Variants in FREM2 observed in about 807,000 individuals in gnomAD.
The protein encoded by FREM2 is FRAS1 related extracellular matrix 2.
Under a neutral mutation model 219.9 loss-of-function variants are expected in FREM2, and 119 were observed. The ratio of observed to expected loss-of-function variants is 0.54; its 90% CI spans 0.47 to 0.63. The LOEUF (loss-of-function observed/expected upper bound fraction) is 0.63, where lower values mean the gene tolerates loss of function less well. Among genes scored for constraint, FREM2 ranks in the 30% least tolerant of loss-of-function variants. FREM2 has a pLI of 0.00. For missense variants in FREM2, 4,030 were observed against 3,993.6 expected, an observed-to-expected ratio of 1.01 and a Z score of -0.25; for synonymous variants, 1,562 against 1,522.8, an observed-to-expected ratio of 1.03 and a Z score of -0.60.
At chr13:38,838,803 A>G (rs978898282) in intron 6 of FREM2, among the ~76,000 whole-genome samples, 2 of 152,134 alleles carry the variant, frequency 1.3e-5, no homozygotes, top group African/African-American at 4.8e-5. Context: ...TGTGTTTTTC[A>G]GCTCCATCAG....
At chr13:38,747,641 TA>T (rs1365318066) in intron 2 of FREM2, among the ~76,000 whole-genome samples, 1 of 152,210 alleles carries the variant, frequency 6.6e-6, no homozygotes, top group Non-Finnish European at 1.5e-5. Context: ...AACTTATTAA[TA>T]TTATTACCAT....
chr13:38,767,205 T>C (rs1873471217), intron 3 of FREM2, among the ~76,000 whole-genome samples: 1 of 152,220 alleles, frequency 6.6e-6, no homozygotes, highest in Non-Finnish European at 1.5e-5. Flanking sequence ...GGATGGGATA[T>C]AAAATCTATT....
chr13:38,776,858 A>G (rs1459962522), intron 4 of FREM2, among the ~76,000 whole-genome samples: 1 of 151,714 alleles, frequency 6.6e-6, no homozygotes, highest in Non-Finnish European at 1.5e-5. Context: ...ACTTGAGAGT[A>G]ACCATTGTTA....
At chr13:38,726,428 C>T (rs1001775508) in intron 2 of FREM2, among the ~76,000 whole-genome samples, 4 of 152,108 alleles carry the variant, frequency 2.6e-5, no homozygotes, top group South Asian at 2.1e-4. Context: ...ATTAGCTAGC[C>T]TTAAGAAGAG....
chr13:38,856,189 T>C lies in FREM2; in HGVS notation c.6989T>C (p.Val2330Ala), dbSNP rs61744595. ...GAAATCGAAGTTACCTTTGACGGGG[T>C]GAGAGAGATGAGAGAGGCCTTCACT... ...VVEIEVTFDG[V>A]REMREAFTVH... Residue 2330 changes from valine (V) to alanine (A), a missense_variant, in exon 12 of 24, where the codon GTG becomes GCG. Val to Ala is a moderately conservative substitution (Grantham distance 64). Coordinates refer to ENST00000280481, the MANE Select transcript of FREM2 (RefSeq NM_207361.6). 2,105 of 1,611,032 alleles carry C rather than the reference T, an allele frequency of 1.3e-3. 17 individuals carry two copies. The African/African-American group carries it at 0.025, about 19-fold the overall frequency.
At chr13:38,822,523 C>T (rs1876107114) in intron 6 of FREM2, among the ~76,000 whole-genome samples, 1 of 151,818 alleles carries the variant, frequency 6.6e-6, no homozygotes, top group Admixed American at 6.6e-5. Context: ...CTAGGTGTTG[C>T]TTTATGCCTG....
chr13:38,734,917 T>G (rs996063839), intron 2 of FREM2, among the ~76,000 whole-genome samples: 1 of 152,050 alleles, frequency 6.6e-6, no homozygotes, highest in Non-Finnish European at 1.5e-5. Context: ...TGGCTAACTT[T>G]TTATATTTTT....
At chr13:38,784,418 C>A (rs929624599) in intron 5 of FREM2, 139 bp from the exon 6 acceptor site, 3 of 816,910 alleles carry the variant, frequency 3.7e-6, no homozygotes, top group Non-Finnish European at 6.1e-6. Flanking sequence ...TAGAACAGTA[C>A]GTAGTTGCTA....
chr13:38,873,122 T>A (rs1878220449), intron 17 of FREM2, among the ~76,000 whole-genome samples, 188 bp downstream of exon 17: 1 of 152,198 alleles, frequency 6.6e-6, no homozygotes, highest in Non-Finnish European at 1.5e-5. Flanking sequence ...GCTTTAAATT[T>A]TGTGCAATAT....
In FREM2 at chr13:38,692,510, C is replaced by A; in HGVS notation, c.5166C>A (p.Phe1722Leu). Residue 1722 changes from phenylalanine to leucine, a missense_variant, in exon 1 of 24, where the codon TTC becomes TTA. Physicochemically the swap from Phe to Leu is conservative, Grantham distance 22. This residue lies in a region of FREM2 where 3,102 missense variants were observed against 2,950.7 expected (regional missense o/e 1.05). Coordinates refer to ENST00000280481, the MANE Select transcript of FREM2 (RefSeq NM_207361.6). The part of the protein sequence containing the change: ...LDKGNHSITQ[F>L]TQADIDDMKI... Reference sequence around the variant, plus strand: ...AAGGCAACCACAGCATCACTCAGTTCACACAAGGTATGTTTCATGTTTCTT... The same window carrying A: ...AAGGCAACCACAGCATCACTCAGTTAACACAAGGTATGTTTCATGTTTCTT... 1 of 1,610,208 alleles carries A rather than the reference C, an allele frequency of 6.2e-7. No individual in the cohort carries two copies. The highest frequency in any genetic ancestry group is 1.1e-5 in the South Asian group (1 of 91,076).
intron 2 of FREM2, among the ~76,000 whole-genome samples, chr13:38,732,916 T>A (rs1226823854): frequency 6.6e-6 from 1 of 152,150 alleles, no homozygotes; most frequent in Non-Finnish European, 1.5e-5. Flanking sequence ...TTTACTGTAT[T>A]ATTGGGATAT....
At chr13:38,806,456 G>A (rs1462721603) in intron 6 of FREM2, among the ~76,000 whole-genome samples, 3 of 151,848 alleles carry the variant, frequency 2.0e-5, no homozygotes, top group Non-Finnish European at 4.4e-5. Flanking sequence ...AGCAACTATT[G>A]CAATAAAGCA....
Position 38,864,368 on chromosome 13 carries a change from A to T in FREM2, c.7745A>T (p.Asn2582Ile). 6.2e-7 allele frequency: 1 copy of T among 1,614,146 alleles called. No individual in the cohort carries two copies. The highest frequency in any genetic ancestry group is 8.5e-7 in the Non-Finnish European group (1 of 1,180,020). ...AGAGTTGGAAACCACAAGTGCTCCA[A>T]CCTCCTGGATTATACTGAAGTGAAG... ...GTRVGNHKCS[N>I]LLDYTEVKTH... The change falls in exon 16 of 24, where the codon AAC becomes ATC. Residue 2582 changes from asparagine (N) to isoleucine (I), a missense_variant. By Grantham distance (149) the Asn-to-Ile change is moderately radical. Coordinates refer to ENST00000280481, the MANE Select transcript of FREM2 (RefSeq NM_207361.6).
intron 2 of FREM2, among the ~76,000 whole-genome samples, chr13:38,763,449 T>C (rs1217487416): frequency 8.7e-6 from 1 of 114,382 alleles, no homozygotes; most frequent in East Asian, 2.5e-4. Context: ...CCTCTAGCTG[T>C]GTTTGTTACT....
chr13:38,870,265 T>C (rs1878113319), intron 16 of FREM2, among the ~76,000 whole-genome samples: 1 of 152,202 alleles, frequency 6.6e-6, no homozygotes, highest in Admixed American at 6.5e-5. Context: ...TTTTGCAGGA[T>C]ATATACTTAC....
intron 6 of FREM2, among the ~76,000 whole-genome samples, chr13:38,797,641 C>A (rs1874844746): frequency 6.6e-6 from 1 of 152,032 alleles, no homozygotes; most frequent in African/African-American, 2.4e-5. Context: ...TTTCATTTCT[C>A]TCTCTGTGCT....
intron 22 of FREM2, 95 bp downstream of exon 22, chr13:38,878,416 CA>C: frequency 6.1e-6 from 4 of 651,674 alleles, no homozygotes; most frequent in Non-Finnish European, 7.7e-6. Flanking sequence ...ACAGTGGCCA[CA>C]CTATAGTCCC....
chr13:38,687,397 C>A lies in FREM2; in HGVS notation c.53C>A (p.Thr18Asn). The change falls in exon 1 of 24, where the codon ACC (threonine) becomes AAC (asparagine). Residue 18 changes from threonine (T) to asparagine (N), a missense_variant. Thr to Asn is a moderately conservative substitution (Grantham distance 65, BLOSUM62 0). Around this residue, in one of 2 missense-constraint regions of FREM2, gnomAD observed 3,102 missense variants for 2,950.7 expected, o/e 1.05. Transcript: ENST00000280481. Reference sequence around the variant, plus strand: ...TCCTCGCGCCGGACAGGCAACTCCACCAGCTTTCAACCAGGACCGCCACCG... The same window carrying A: ...TCCTCGCGCCGGACAGGCAACTCCAACAGCTTTCAACCAGGACCGCCACCG... Reference protein sequence around the residue: ...GLSSRRTGNSTSFQPGPPPPP... With the variant: ...GLSSRRTGNSNSFQPGPPPPP... The A allele has an allele frequency of 6.2e-7, 1 of 1,609,108 alleles. No homozygotes were observed. The highest frequency in any genetic ancestry group is 8.5e-7 in the Non-Finnish European group (1 of 1,178,250).
intron 2 of FREM2, among the ~76,000 whole-genome samples, chr13:38,743,491 C>T (rs1437980814): frequency 2.6e-5 from 4 of 151,906 alleles, no homozygotes; most frequent in Non-Finnish European, 2.9e-5. Context: ...TAGCAACTGA[C>T]GTGACAGCTA....
Sources: gnomAD v4.1 joint callset for allele counts (sites outside exome capture counted in the v4.1 genomes callset) on GRCh38, gnomAD v4.1.1 for gene constraint, gnomAD v4.1.1 regional missense constraint, MANE v1.5 for transcripts, NCBI Gene and HGNC (gene_info 2026-07-23, HGNC 2026-07-21) for gene names.